Variants in SERINC3 observed in about 807,000 individuals in gnomAD.
The protein encoded by SERINC3 is tumor differentially expressed protein 1.
SERINC3 carries 22 observed loss-of-function variants against 52.1 expected under a neutral mutation model. That is an observed-to-expected ratio of 0.42 (90% CI 0.30 to 0.60). SERINC3 has a LOEUF of 0.60. Among genes scored for constraint, SERINC3 ranks in the 20% least tolerant of loss-of-function variants. The probability of loss-of-function intolerance (pLI) is 0.16; values close to 1 mark genes in which losing one functional copy is unlikely to be tolerated. For synonymous variants in SERINC3, 226 were observed against 212.7 expected (o/e 1.06, Z -0.54); for missense variants, 564 against 584.6 (o/e 0.96, Z 0.36).
At chr20:44,514,352 A>C (rs1339580186) in intron 1 of SERINC3, among the ~76,000 whole-genome samples, 1 of 152,230 alleles carries the variant, frequency 6.6e-6, no homozygotes, top group Non-Finnish European at 1.5e-5. Context: ...TAACAGTTCA[A>C]TAAATGTTAA....
intron 7 of SERINC3, 135 bp from the exon 8 acceptor site, chr20:44,504,130 A>T: frequency 1.7e-6 from 1 of 604,168 alleles, no homozygotes; most frequent in Non-Finnish European, 2.7e-6. Context: ...TCTGAAACTT[A>T]GCAGTCAGTA....
At chr20:44,521,509 C>T (rs1005807001) in intron 1 of SERINC3, among the ~76,000 whole-genome samples, 4 of 152,330 alleles carry the variant, frequency 2.6e-5, no homozygotes, top group Admixed American at 2.0e-4. Flanking sequence ...TTTGGCAAAT[C>T]CCGTGCTAGG....
intron 5 of SERINC3, 41 bp from the exon 6 acceptor site, chr20:44,507,037 T>C (rs773192401): frequency 7.0e-7 from 1 of 1,426,904 alleles, no homozygotes; most frequent in Admixed American, 2.5e-5. Flanking sequence ...ACAACTATAA[T>C]AAACTAATAA....
Position 44,521,047 on chromosome 20 carries a change from GCTGA to G in SERINC3, c.39+862_39+865del, listed in dbSNP as rs761147735. Among the ~76,000 whole-genome samples the G allele has an allele frequency of 5.7e-4, 87 of 152,314 alleles. 1 individual carries two copies. Among genetic ancestry groups the G allele is most frequent in the African/African-American group, 1.2e-3 (50 of 41,564 alleles). ...GCACCAAGTTGGCATCCCCTGCAGAGCTGACTGTTTGCCTGATGTTTGGGGGAAA... is the reference window on the plus strand; with the variant it reads ...GCACCAAGTTGGCATCCCCTGCAGAGCTGTTTGCCTGATGTTTGGGGGAAA... On this transcript the variant is annotated intron_variant, in intron 1 of 9. Transcript: ENST00000342374.
At chr20:44,501,960 A>G (rs2064282668) in intron 8 of SERINC3, among the ~76,000 whole-genome samples, 2 of 152,218 alleles carry the variant, frequency 1.3e-5, no homozygotes, top group Admixed American at 1.3e-4. Context: ...TCCATGATAA[A>G]AACAGTCAAA....
Position 44,501,279 on chromosome 20 carries a change from G to T in SERINC3, c.1077C>A (p.Ser359Arg), listed in dbSNP as rs762106624. The change falls in exon 9 of 10, where the codon AGC becomes AGA. Residue 359 changes from serine to arginine, a missense_variant. Ser to Arg is a moderately radical substitution (Grantham distance 110). Coordinates refer to ENST00000342374, the MANE Select transcript of SERINC3 (RefSeq NM_006811.4). ...CTGACAGGGTCAGCTTGTCTACTTG[G>T]CTATTAGTGGAAGTGCGGATGCTGG... is the stretch of plus-strand genomic sequence containing the variant. ...LYSSIRTSTN[S>R]QVDKLTLSGS... The T allele has an allele frequency of 5.0e-6, 8 of 1,613,968 alleles. No individual in the cohort carries two copies. In the African/African-American group the frequency reaches 6.7e-5, roughly 13 times the overall value.
rs144376268 is a variant in SERINC3, at chr20:44,514,259, T to C, written c.40-219A>G. ...ACGTACTCTAACCCCATTTGACCAT[T>C]TGTAAAATGAGCTCAATAATGGAAT... On this transcript the variant is annotated intron_variant, in intron 1 of 9. Transcript: ENST00000342374. Among the ~76,000 whole-genome samples the C allele has an allele frequency of 1.9e-3, 292 of 152,278 alleles. 2 individuals are homozygous for C. The highest frequency in any genetic ancestry group is 6.5e-3 in the African/African-American group (271 of 41,550).
At chr20:44,514,100 G>T in intron 1 of SERINC3, 60 bp from the exon 2 acceptor site, 1 of 1,525,110 alleles carries the variant, frequency 6.6e-7, no homozygotes, top group Non-Finnish European at 8.8e-7. Context: ...TTATGACACA[G>T]ATGTCGCAGA....
Position 44,521,952 on chromosome 20 carries a change from G to A in SERINC3, c.-1C>T. On this transcript the variant is annotated 5_prime_UTR_variant, in exon 1 of 10. Coordinates refer to ENST00000342374, the MANE Select transcript of SERINC3 (RefSeq NM_006811.4). The stretch of plus-strand genomic sequence containing the variant: ...AGAAGACACCCAGCACAGCCCCCAT[G>A]GTGACGCCAGTGATGGAGGTGGCCG... 6.2e-7 allele frequency: 1 copy of A among 1,610,906 alleles called. No individual in the cohort carries two copies. The highest frequency in any genetic ancestry group is 8.5e-7 in the Non-Finnish European group (1 of 1,178,568).
At chr20:44,504,165 G>A (rs1238701986) in intron 7 of SERINC3, among the ~76,000 whole-genome samples, 170 bp from the exon 8 acceptor site, 4 of 152,012 alleles carry the variant, frequency 2.6e-5, no homozygotes, top group Admixed American at 1.3e-4. Flanking sequence ...CACAATCAAT[G>A]ACAGAATTAG....
At position 44,520,028 on chromosome 20, in the gene SERINC3, CA is replaced by C. The variant is rs1325892489; in HGVS notation, c.39+1884del. Among the ~76,000 whole-genome samples the C allele has an allele frequency of 2.0e-5, 3 of 152,114 alleles. No homozygotes were observed. The East Asian group carries it at 5.8e-4, about 29-fold the overall frequency. On this transcript the variant is annotated intron_variant, in intron 1 of 9. Coordinates refer to ENST00000342374, the MANE Select transcript of SERINC3 (RefSeq NM_006811.4). ...CTTTTCAGTCTCACCCCTGACCCTC[CA>C]AGGAGGGGCTGAAGGTTAGGTCAGT...
At chr20:44,502,220 TGG>T (rs1311084120) in intron 8 of SERINC3, among the ~76,000 whole-genome samples, 1 of 152,222 alleles carries the variant, frequency 6.6e-6, no homozygotes, top group African/African-American at 2.4e-5. Flanking sequence ...GGAAATCCTA[TGG>T]AATACATACA....
Position 44,501,217 on chromosome 20 carries a change from C to T in SERINC3, c.1139G>A (p.Ser380Asn), listed in dbSNP as rs777470166. ...TCCATCTTCTTCATCACTGGCACCA[C>T]TGGTAGTTGTATCACCAAGGATGAC... ...DSVILGDTTT[S>N]GASDEEDGQP... The change falls in exon 9 of 10, where the codon AGT (serine) becomes AAT (asparagine). Residue 380 changes from serine to asparagine, a missense_variant. Physicochemically the swap from Ser to Asn is conservative, Grantham distance 46 (BLOSUM62 1). Coordinates refer to ENST00000342374, the MANE Select transcript of SERINC3 (RefSeq NM_006811.4). The T allele has an allele frequency of 3.7e-6, 6 of 1,614,048 alleles. No individual in the cohort carries two copies. The highest frequency in any genetic ancestry group is 5.1e-6 in the Non-Finnish European group (6 of 1,180,026).
At chr20:44,515,927 T>G (rs187275092) in intron 1 of SERINC3, among the ~76,000 whole-genome samples, 1 of 152,022 alleles carries the variant, frequency 6.6e-6, no homozygotes, top group Admixed American at 6.6e-5. Context: ...AAGTGCTGGA[T>G]TACAGGCGTG....
At chr20:44,511,501 A>G in intron 3 of SERINC3, 133 bp from the exon 4 acceptor site, 1 of 620,416 alleles carries the variant, frequency 1.6e-6, no homozygotes, top group Non-Finnish European at 2.9e-6. Context: ...TATTTTCTTC[A>G]TTTGACTATT....
rs1443735157 is a variant in SERINC3, at chr20:44,521,933, C to CA, written c.18dup (p.Val7CysfsTer21). 2 of 1,611,532 alleles carry CA rather than the reference C, an allele frequency of 1.2e-6. No individual in the cohort carries two copies. The highest frequency in any genetic ancestry group is 2.7e-5 in the African/African-American group (2 of 74,902). ...CTCACCCAGCTGGCGAGGGAGAAGA[C>CA]ACCCAGCACAGCCCCCATGGTGACG... is the stretch of plus-strand genomic sequence containing the variant. On this transcript the variant is annotated frameshift_variant, in exon 1 of 10. Coordinates refer to ENST00000342374, the MANE Select transcript of SERINC3 (RefSeq NM_006811.4). LOFTEE classifies it high-confidence loss of function.
At position 44,503,952 on chromosome 20, in the gene SERINC3, T is replaced by C. The variant is rs1206687805; in HGVS notation, c.918A>G (p.Ile306Met). ...NPNLMSFITR[I>M]TAPTLAPGNS... ...TTCCAGGAGCCAGGGTTGGTGCAGT[T>C]ATGCGTGTAATAAAGCTCATCAGGT... The change falls in exon 8 of 10, where the codon ATA (isoleucine) becomes ATG (methionine). Residue 306 changes from isoleucine (I) to methionine (M), a missense_variant. Physicochemically the swap from Ile to Met is conservative, Grantham distance 10 (BLOSUM62 1). Transcript: ENST00000342374. The C allele has an allele frequency of 6.2e-7, 1 of 1,602,498 alleles. No homozygotes were observed. Among genetic ancestry groups the C allele is most frequent in the Admixed American group, 1.8e-5 (1 of 56,828 alleles).
rs911761716 is a variant in SERINC3 at position 44,500,238 on chromosome 20, G to A, written c.*58C>T. On this transcript the variant is annotated 3_prime_UTR_variant, in exon 10 of 10. Transcript: ENST00000342374. ...GTTGAAACAAACTTAAAAGGTATAT[G>A]GGTTTTCGGTGAAGGAGACCTTTGT... The A allele has an allele frequency of 1.2e-5, 18 of 1,557,370 alleles. No homozygotes were observed. The Admixed American group carries it at 3.3e-4, about 28-fold the overall frequency.
intron 3 of SERINC3, among the ~76,000 whole-genome samples, chr20:44,511,635 C>T (rs2064348316): frequency 6.6e-6 from 1 of 152,202 alleles, no homozygotes; most frequent in East Asian, 1.9e-4. Flanking sequence ...ACTTTTAGCA[C>T]TTAAAGGTAG....
Sources: gnomAD v4.1 joint callset for allele counts (sites outside exome capture counted in the v4.1 genomes callset) on GRCh38, gnomAD v4.1.1 for gene constraint, MANE v1.5 for transcripts, NCBI Gene and HGNC (gene_info 2026-07-23, HGNC 2026-07-21) for gene names.